CUL9: variants seen among roughly 807,000 people sequenced by gnomAD.
CUL9 encodes cullin 9.
A neutral mutation model predicts 272.6 loss-of-function variants in CUL9; 79 were observed. The ratio of observed to expected loss-of-function variants is 0.29; its 90% CI spans 0.24 to 0.35. The LOEUF is 0.35. Among genes scored for constraint, CUL9 ranks in the 10% least tolerant of loss-of-function variants. The pLI, the probability that CUL9 is intolerant of heterozygous loss-of-function variation, is 1.00. For synonymous variants in CUL9, 1,186 were observed against 1,286.5 expected (o/e 0.92, Z 1.67); for missense variants, 2,532 against 3,255.6 (o/e 0.78, Z 5.41).
chr6:43,187,524 G>A (rs1339695097), intron 6 of CUL9, 85 bp downstream of exon 6: 6 of 1,439,832 alleles, frequency 4.2e-6, no homozygotes, highest in South Asian at 2.5e-5. Flanking sequence ...AGGGGTTACC[G>A]CTTAGGGGGA....
At chr6:43,222,158 G>C (rs1432655436) in intron 35 of CUL9, 158 bp from the exon 36 acceptor site, 3 of 674,958 alleles carry the variant, frequency 4.4e-6, no homozygotes, top group Non-Finnish European at 8.0e-6. Context: ...TCTGCAAAAG[G>C]GGTGAATAAT....
intron 24 of CUL9, 71 bp from the exon 25 acceptor site, chr6:43,205,936 C>A: frequency 1.5e-6 from 2 of 1,366,584 alleles, no homozygotes; most frequent in Non-Finnish European, 2.1e-6. Flanking sequence ...GAGGGACCTA[C>A]ATTCTCGAGG....
At chr6:43,222,447 G>A in intron 36 of CUL9, 57 bp downstream of exon 36, 13 of 1,574,156 alleles carry the variant, frequency 8.3e-6, no homozygotes, top group South Asian at 2.2e-5. Flanking sequence ...GGGTGGTGGG[G>A]TGGAGGGGGG....
At chr6:43,216,543 G>A (rs373721914) in intron 31 of CUL9, 40 bp downstream of exon 31, 1 of 1,518,016 alleles carries the variant, frequency 6.6e-7, no homozygotes. Flanking sequence ...CTGGCTTTCT[G>A]CCCTACCCTA....
At chr6:43,185,422 TGAG>T (rs1772817806) in intron 2 of CUL9, 31 bp from the exon 3 acceptor site, 1 of 1,600,698 alleles carries the variant, frequency 6.2e-7, no homozygotes, top group Non-Finnish European at 8.5e-7. Context: ...TACTGGGGAT[TGAG>T]GAGAAGATAT....
Position 43,187,894 on chromosome 6 carries a change from A to C in CUL9, c.1763A>C (p.His588Pro), listed in dbSNP as rs779173678. ...EPSSSSTSRN[H>P]SCTPDPEEES... ...AGCAGCTCGTCTACTTCACGAAATC[A>C]CTCCTGTACCCCAGATCCAGAAGAG... The change falls in exon 7 of 41, where the codon CAC becomes CCC. Residue 588 changes from histidine to proline, a missense_variant. Physicochemically the swap from His to Pro is moderately conservative, Grantham distance 77. Coordinates refer to ENST00000252050, the MANE Select transcript of CUL9 (RefSeq NM_015089.4). The C allele has an allele frequency of 7.4e-6, 12 of 1,613,750 alleles. No homozygotes were observed. The South Asian group carries it at 1.3e-4, about 18-fold the overall frequency.
Position 43,218,907 on chromosome 6 carries a change from C to G in CUL9, c.6283-1552C>G, listed in dbSNP as rs1184737072. On this transcript the variant is annotated intron_variant, in intron 31 of 40. Transcript: ENST00000252050. The surrounding 1 kb of genome is among the most constrained non-coding windows in gnomAD (Gnocchi z 4.4). ...GAATGAAGCAGAGAGGCCTGGCAGGCCTTACCCAAGGAGAAAGAAGCAGAC... is the reference window on the plus strand; with the variant it reads ...GAATGAAGCAGAGAGGCCTGGCAGGGCTTACCCAAGGAGAAAGAAGCAGAC... Among the ~76,000 whole-genome samples, 1 of 151,988 alleles carries G rather than the reference C, an allele frequency of 6.6e-6. No homozygotes were observed. The highest frequency in any genetic ancestry group is 1.5e-5 in the Non-Finnish European group (1 of 67,994).
intron 26 of CUL9, among the ~76,000 whole-genome samples, chr6:43,209,744 C>T (rs1775328621): frequency 6.6e-6 from 1 of 152,084 alleles, no homozygotes; most frequent in African/African-American, 2.4e-5. Flanking sequence ...CTCCTGGGTT[C>T]AAGTGATTCT....
intron 8 of CUL9, among the ~76,000 whole-genome samples, chr6:43,189,676 T>A (rs1192656615): frequency 6.6e-6 from 1 of 152,198 alleles, no homozygotes; most frequent in East Asian, 1.9e-4. Context: ...CCCAAGTAGC[T>A]GGGATTACAG....
chr6:43,194,905 A>G (rs973811607), intron 9 of CUL9, among the ~76,000 whole-genome samples: 1 of 152,064 alleles, frequency 6.6e-6, no homozygotes, highest in Non-Finnish European at 1.5e-5. Context: ...AAAACACAAA[A>G]TTAGCCGGGC....
chr6:43,216,435 G>A lies in CUL9; in HGVS notation c.6214G>A (p.Val2072Ile), dbSNP rs369922444. The part of the protein sequence containing the change: ...AVPVRPDHCP[V>I]CVSPLGCDDD... The stretch of plus-strand genomic sequence containing the variant: ...ACCCGTACGGCCTGACCACTGCCCC[G>A]TCTGTGTGAGCCCCCTGGGGTGTGA... The change falls in exon 31 of 41, where the codon GTC becomes ATC. Residue 2072 changes from valine to isoleucine, a missense_variant. Physicochemically the swap from Val to Ile is conservative, Grantham distance 29 (BLOSUM62 3). Around this residue, in one of 3 missense-constraint regions of CUL9, gnomAD observed 2,218 missense variants for 2,788.6 expected, o/e 0.80. Transcript: ENST00000252050. The A allele has an allele frequency of 3.7e-6, 6 of 1,612,096 alleles. No individual in the cohort carries two copies. The highest frequency in any genetic ancestry group is 1.7e-5 in the Admixed American group (1 of 59,966).
Position 43,223,319 on chromosome 6 carries a change from C to T in CUL9, c.7206C>T (p.Ala2402=), listed in dbSNP as rs778295912. 109 of 1,601,306 alleles carry T rather than the reference C, an allele frequency of 6.8e-5. No individual in the cohort carries two copies. The highest frequency in any genetic ancestry group is 3.1e-4 in the East Asian group (14 of 44,492). Residue 2402 remains alanine, a synonymous_variant, in exon 39 of 41, where the codon GCC becomes GCT. Coordinates refer to ENST00000252050, the MANE Select transcript of CUL9 (RefSeq NM_015089.4). This position sits in a 1 kb window ranked among gnomAD's most constrained non-coding sequence, Gnocchi z 4.1. ...DLASSLRLLR[A]DCLSTGMELL... is the part of the protein sequence containing the mutation. ...CCTCCTCCCTGCGCCTCCTGCGGGCCGACTGCCTCAGCACGGGCATGGAGC... is the reference window on the plus strand; with the variant it reads ...CCTCCTCCCTGCGCCTCCTGCGGGCTGACTGCCTCAGCACGGGCATGGAGC...
intron 9 of CUL9, among the ~76,000 whole-genome samples, chr6:43,194,248 G>C (rs895782166): frequency 6.6e-6 from 1 of 152,148 alleles, no homozygotes. Flanking sequence ...AAAGCAGGCT[G>C]TCCCGGGAGA....
chr6:43,219,705 G>C (rs2150644256), intron 31 of CUL9, among the ~76,000 whole-genome samples: 1 of 152,272 alleles, frequency 6.6e-6, no homozygotes, highest in African/African-American at 2.4e-5. Flanking sequence ...AGAGGCAGGG[G>C]TCACTCATGG....
chr6:43,193,100 C>G lies in CUL9; in HGVS notation c.2280C>G (p.Thr760=), dbSNP rs1773677456. The change falls in exon 9 of 41, where the codon ACC becomes ACG. Residue 760 remains threonine (T), a synonymous_variant. Transcript: ENST00000252050. ...QALRLLYLLM[T]KHEWRPLFAR... ...TGCGCCTCCTTTACCTGCTCATGAC[C>G]AAGCACGAGTGGCGGCCGCTCTTTG... The G allele has an allele frequency of 1.2e-6, 2 of 1,614,198 alleles. No individual in the cohort carries two copies. Among genetic ancestry groups the G allele is most frequent in the Middle Eastern group, 1.6e-4 (1 of 6,062 alleles).
In CUL9 at chr6:43,184,583, C is replaced by T. The variant is rs891453894; in HGVS notation, c.273C>T (p.His91=). The change falls in exon 2 of 41, where the codon CAC becomes CAT. Residue 91 remains histidine, a synonymous_variant. Coordinates refer to ENST00000252050, the MANE Select transcript of CUL9 (RefSeq NM_015089.4). The surrounding 1 kb of genome is among the most constrained non-coding windows in gnomAD (Gnocchi z 4.8). ...GGGCACTATCTAAGGGACTTCAGCACGAACCAGCTGGGGTTTCAGGAAGCT... is the reference window on the plus strand; with the variant it reads ...GGGCACTATCTAAGGGACTTCAGCATGAACCAGCTGGGGTTTCAGGAAGCT... The part of the protein sequence containing the change: ...GERALSKGLQ[H]EPAGVSGSFP... 1.1e-5 allele frequency: 18 copies of T among 1,612,846 alleles called. No individual in the cohort carries two copies. The highest frequency in any genetic ancestry group is 2.2e-5 in the South Asian group (2 of 91,010).
intron 7 of CUL9, 119 bp downstream of exon 7, chr6:43,188,237 G>T: frequency 1.7e-6 from 2 of 1,204,226 alleles, no homozygotes; most frequent in Non-Finnish European, 2.3e-6. Context: ...AGGGGAAAAT[G>T]CCTTGGAACC....
chr6:43,221,206 G>A lies in CUL9; in HGVS notation c.6637G>A (p.Gly2213Ser), dbSNP rs572684766. ...CCATATGTCTCAGTGGGTCGACGAC[G>A]GTGGCTACTATGACGGCATGAGCGT... ...CGHMSQWVDD[G>S]GYYDGMSVEA... Residue 2213 changes from glycine to serine, a missense_variant, in exon 34 of 41, where the codon GGT becomes AGT. Physicochemically the swap from Gly to Ser is moderately conservative, Grantham distance 56. Transcript: ENST00000252050. This position sits in a 1 kb window ranked among gnomAD's most constrained non-coding sequence, Gnocchi z 4.2. The A allele has an allele frequency of 7.4e-6, 12 of 1,611,616 alleles. No homozygotes were observed. Among genetic ancestry groups the A allele is most frequent in the South Asian group, 1.1e-5 (1 of 91,064 alleles).
At chr6:43,199,000 G>A (rs896345838) in intron 12 of CUL9, 145 bp downstream of exon 12, 35 of 1,127,232 alleles carry the variant, frequency 3.1e-5, no homozygotes, top group African/African-American at 2.4e-4. Context: ...GCAATGGCAC[G>A]ATCTCAGCTC....
Sources: allele counts gnomAD v4.1 joint callset (sites outside exome capture counted in the v4.1 genomes callset), GRCh38; gene constraint gnomAD v4.1.1; regional missense constraint gnomAD v4.1.1; non-coding constraint Gnocchi (gnomAD v3.1); transcripts MANE v1.5; gene names NCBI Gene and HGNC (gene_info 2026-07-23, HGNC 2026-07-21).